Variants in PCGF5 observed in about 807,000 individuals in gnomAD.
PCGF5 encodes polycomb group ring finger 5, also known as polycomb group RING finger protein 5.
In PCGF5, 9 loss-of-function variants were observed where a neutral mutation model predicts 44.3. The ratio of observed to expected loss-of-function variants is 0.20; its 90% CI spans 0.12 to 0.35. The LOEUF (loss-of-function observed/expected upper bound fraction) is 0.35. Ranked by LOEUF, PCGF5 falls within the 10% of genes least tolerant of loss-of-function variation. The probability of loss-of-function intolerance (pLI) is 1.00; values close to 1 mark genes in which losing one functional copy is unlikely to be tolerated. For synonymous variants in PCGF5, 95 were observed against 102.5 expected (o/e 0.93, Z 0.44); for missense variants, 146 against 305.3 (o/e 0.48, Z 3.89).
At chr10:91,157,270 A>G in the PCGF5 span, among the ~76,000 whole-genome samples, 1 of 152,256 alleles carries the variant, frequency 6.6e-6, no homozygotes, top group Non-Finnish European at 1.5e-5. Flanking sequence ...TAACAGACTG[A>G]GGACATTGCA....
chr10:91,162,908 C>A (rs1407899807), upstream of PCGF5: 6 of 145,388 alleles, frequency 4.1e-5, no homozygotes, highest in South Asian at 1.8e-4. Context: ...GGGCTCTGCT[C>A]TCCTCGCGCC....
intron 1 of PCGF5, among the ~76,000 whole-genome samples, chr10:91,188,273 C>T (rs1263272970): frequency 4.6e-5 from 7 of 152,144 alleles, no homozygotes; most frequent in Non-Finnish European, 8.8e-5. Flanking sequence ...ACTCGGGAAG[C>T]GCAAGGGGTC....
chr10:91,201,285 G>A (rs957817117), intron 1 of PCGF5, among the ~76,000 whole-genome samples: 1 of 152,136 alleles, frequency 6.6e-6, no homozygotes, highest in African/African-American at 2.4e-5. Context: ...GCATCACATG[G>A]TGAGGGGCTG....
intron 8 of PCGF5, among the ~76,000 whole-genome samples, chr10:91,265,184 T>C (rs918834375): frequency 1.1e-4 from 16 of 152,246 alleles, no homozygotes; most frequent in African/African-American, 3.4e-4. Context: ...AAGACTGAGA[T>C]ATGAGACTAA....
rs1845294386 is a variant in PCGF5, at chr10:91,240,467, A to G, written c.113-17A>G. On this transcript the variant is annotated splice_polypyrimidine_tract_variant and intron_variant, in intron 2 of 9. Transcript: ENST00000336126. ...TTCATATGATGCGTTTTAACCTAAC[A>G]TCTTCTTTCTTCTTAGTCTGTAAGA... The G allele has an allele frequency of 1.9e-6, 3 of 1,570,544 alleles. No homozygotes were observed. In the South Asian group the frequency reaches 3.4e-5, roughly 18 times the overall value.
Position 91,280,690 on chromosome 10 carries a change from A to G in PCGF5, c.*2374A>G, listed in dbSNP as rs1340885692. On this transcript the variant is annotated 3_prime_UTR_variant, in exon 10 of 10. Transcript: ENST00000336126. ...CAACTGACTTATTTTGGTATATTCA[A>G]CTACAGCTTTCTAAGGATAGGACTA... 6.6e-6 allele frequency: 1 copy of G among 152,426 alleles called. No homozygotes were observed. The highest frequency in any genetic ancestry group is 2.4e-5 in the African/African-American group (1 of 41,456). The allele number at this position is 152,426 out of a possible 1,614,324, so 9.4% of individuals were successfully genotyped here.
At chr10:91,228,733 A>G (rs1462994205) in intron 2 of PCGF5, among the ~76,000 whole-genome samples, 1 of 152,250 alleles carries the variant, frequency 6.6e-6, no homozygotes, top group Non-Finnish European at 1.5e-5. Context: ...TTGATATTCA[A>G]TATTTGAAAA....
intron 1 of PCGF5, among the ~76,000 whole-genome samples, chr10:91,199,377 A>G (rs1589364973): frequency 6.6e-6 from 1 of 152,206 alleles, no homozygotes; most frequent in African/African-American, 2.4e-5. Context: ...TGGAACTAGA[A>G]TGACTCCTCT....
intron 1 of PCGF5, among the ~76,000 whole-genome samples, chr10:91,197,086 G>T (rs1169838644): frequency 3.3e-5 from 5 of 152,226 alleles, no homozygotes; most frequent in African/African-American, 1.2e-4. Flanking sequence ...TGTCCTGGTT[G>T]TCTAAAGCTG....
chr10:91,166,016 G>A (rs1375077989), intron 1 of PCGF5, among the ~76,000 whole-genome samples: 1 of 152,202 alleles, frequency 6.6e-6, no homozygotes, highest in Non-Finnish European at 1.5e-5. Context: ...TAAGCTCAGA[G>A]ACAATAGAAT....
intron 1 of PCGF5, among the ~76,000 whole-genome samples, chr10:91,187,091 A>G (rs964565897): frequency 3.3e-5 from 5 of 152,212 alleles, no homozygotes; most frequent in African/African-American, 1.2e-4. Flanking sequence ...TCTGCAGACC[A>G]CATTAGAGAA....
intron 1 of PCGF5, among the ~76,000 whole-genome samples, chr10:91,185,744 G>A (rs950109544): frequency 1.3e-5 from 2 of 152,192 alleles, no homozygotes; most frequent in Non-Finnish European, 1.5e-5. Context: ...TCCTGACCCG[G>A]GAGTTGCAAA....
At chr10:91,216,339 G>A (rs1844538471), upstream of PCGF5, among the ~76,000 whole-genome samples, 1 of 152,138 alleles carries the variant, frequency 6.6e-6, no homozygotes, top group Non-Finnish European at 1.5e-5. Flanking sequence ...AAGGGTGAGG[G>A]GATAAAGACA....
intron 1 of PCGF5, among the ~76,000 whole-genome samples, chr10:91,171,008 T>C (rs1021671592): frequency 2.6e-5 from 4 of 152,228 alleles, no homozygotes; most frequent in African/African-American, 9.6e-5. Context: ...CTTCATACTG[T>C]GTGATTCCAA....
At chr10:91,171,493 A>G (rs769651772) in intron 1 of PCGF5, among the ~76,000 whole-genome samples, 1 of 152,164 alleles carries the variant, frequency 6.6e-6, no homozygotes, top group Non-Finnish European at 1.5e-5. Context: ...TCACTCCTGT[A>G]TTTCATGACT....
intron 1 of PCGF5, among the ~76,000 whole-genome samples, chr10:91,187,267 C>T (rs1843942883): frequency 1.3e-5 from 2 of 152,262 alleles, no homozygotes; most frequent in South Asian, 4.1e-4. Flanking sequence ...TAAGATTTGA[C>T]ACTAATGTGC....
intron 3 of PCGF5, among the ~76,000 whole-genome samples, chr10:91,244,664 C>T (rs527802344): frequency 7.9e-5 from 12 of 152,114 alleles, no homozygotes; most frequent in African/African-American, 2.4e-4. Flanking sequence ...CCCTGGTGAG[C>T]GGTGGTAGCA....
Position 91,248,384 on chromosome 10 carries a change from T to C in PCGF5, c.210-121T>C, listed in dbSNP as rs548682999. 99 of 893,558 alleles carry C rather than the reference T, an allele frequency of 1.1e-4. 1 individual carries two copies. In the African/African-American group the frequency reaches 1.6e-3, roughly 14 times the overall value. 55.4% of individuals were successfully genotyped at this position (893,558 alleles called of 1,614,324 possible). On this transcript the variant is annotated intron_variant, in intron 3 of 9. Coordinates refer to ENST00000336126, the MANE Select transcript of PCGF5 (RefSeq NM_032373.5). ...CCATGGACAGAAGAGTATGGTATAG[T>C]AGATGTGCTAAAATTGTGTATGTAT...
chr10:91,248,740 G>T lies in PCGF5; in HGVS notation c.325+16G>T. 1.9e-6 allele frequency: 3 copies of T among 1,595,076 alleles called. No individual in the cohort carries two copies. Among genetic ancestry groups the T allele is most frequent in the Non-Finnish European group, 2.6e-6 (3 of 1,167,282 alleles). On this transcript the variant is annotated intron_variant, in intron 5 of 9. Coordinates refer to ENST00000336126, the MANE Select transcript of PCGF5 (RefSeq NM_032373.5). The stretch of plus-strand genomic sequence containing the variant: ...AATGGACAAGGTGACTTTTTCTTAT[G>T]TCTGTTTCTGACAGCACCTCTTAAA...
Sources: allele counts gnomAD v4.1 joint callset (sites outside exome capture counted in the v4.1 genomes callset), GRCh38; gene constraint gnomAD v4.1.1; transcripts MANE v1.5; gene names NCBI Gene and HGNC (gene_info 2026-07-23, HGNC 2026-07-21).